The following SPANXD variants were observed in gnomAD, a reference collection of about 807,000 sequenced individuals.
The protein encoded by SPANXD is sperm protein associated with the nucleus on the X chromosome D.
A neutral mutation model predicts 1.8 loss-of-function variants in SPANXD; 2 were observed. The observed-to-expected ratio is 1.10, with a 90% CI of 0.45 to 3.47. The LOEUF (loss-of-function observed/expected upper bound fraction) is 3.47, where lower values mean the gene tolerates loss of function less well. SPANXD is among the 30% of genes most tolerant of loss of function. The pLI is 0.08. For synonymous variants in SPANXD, 30 were observed against 32.9 expected (o/e 0.91, Z 0.30); for missense variants, 80 against 81.6 (o/e 0.98, Z 0.07).
Position 141,697,591 on chromosome X carries a change from C to A in SPANXD, c.168G>T (p.Arg56Ser), listed in dbSNP as rs1556402342. Residue 56 changes from arginine to serine, a missense_variant, in exon 2 of 2, where the codon AGG becomes AGT. Around this residue, in one of 2 missense-constraint regions of SPANXD, gnomAD observed 78 missense variants for 58.7 expected, o/e 1.33. Transcript: ENST00000370515. ...CTGGAGATGTTCTTTTAAAGTTCCT[C>A]CTGTAGCGAACCACTAGTATGGTCG... ...ESSTILVVRY[R>S]RNFKRTSPEE... 8.3e-7 allele frequency: 1 copy of A among 1,202,737 alleles called. No homozygotes were observed.
Position 141,698,645 on chromosome X carries a change from G to T in SPANXD, c.-240C>A, listed in dbSNP as rs1461421692. Reference sequence around the variant, plus strand: ...GGCTTGCGGGCGAGGGGTGACAGGGGTGTAGAGCAAACCAAATGCTGCTGT... The same window carrying T: ...GGCTTGCGGGCGAGGGGTGACAGGGTTGTAGAGCAAACCAAATGCTGCTGT... On this transcript the variant is annotated 5_prime_UTR_variant, in exon 1 of 2. Transcript: ENST00000370515. 4.9e-6 allele frequency: 2 copies of T among 410,458 alleles called. No individual in the cohort carries two copies. Among genetic ancestry groups the T allele is most frequent in the Non-Finnish European group, 4.4e-6 (1 of 229,410 alleles). The allele number at this position is 410,458 out of a possible 1,213,427, so 33.8% of individuals were successfully genotyped here. A position where few individuals can be genotyped will look rare whatever the true frequency, so the allele number is the denominator to read the frequency against.
intron 1 of SPANXD, 52 bp from the exon 2 acceptor site, chrX:141,697,738 A>T (rs1188388779): frequency 8.7e-7 from 1 of 1,148,670 alleles, no homozygotes; most frequent in South Asian, 1.8e-5. Flanking sequence ...GGTGAACAGG[A>T]TAGAGACTGG....
Position 141,698,329 on chromosome X carries a change from C to T in SPANXD, c.72+5G>A. The T allele has an allele frequency of 1.7e-6, 2 of 1,190,432 alleles. No homozygotes were observed. The highest frequency in any genetic ancestry group is 2.3e-6 in the Non-Finnish European group (2 of 886,242). On this transcript the variant is annotated splice_donor_5th_base_variant and intron_variant, in intron 1 of 1. Transcript: ENST00000370515. ...CGCCTTCACTTCAGAACCTAACAGT[C>T]TTACCATCTCGTTGGCCTCGTTGGA...
intron 1 of SPANXD, 30 bp from the exon 2 acceptor site, chrX:141,697,716 G>T (rs782814316): frequency 1.7e-6 from 2 of 1,189,476 alleles, no homozygotes; most frequent in Non-Finnish European, 2.3e-6. Context: ...AGGCCAGGAG[G>T]ACATTATTTT....
In SPANXD at chrX:141,697,599, G is replaced by T. The variant is rs373261190; in HGVS notation, c.160C>A (p.Arg54Ser). 82 of 1,201,481 alleles carry T rather than the reference G, an allele frequency of 6.8e-5. 2 individuals carry two copies. The Middle Eastern group carries it at 3.3e-3, about 48-fold the overall frequency. ...TSESSTILVV[R>S]YRRNFKRTSP... ...GTTCTTTTAAAGTTCCTCCTGTAGC[G>T]AACCACTAGTATGGTCGAGGACTCA... is the stretch of plus-strand genomic sequence containing the variant. Residue 54 changes from arginine to serine, a missense_variant, in exon 2 of 2, where the codon CGC becomes AGC. Arg to Ser is a moderately radical substitution (Grantham distance 110). This residue lies in a region of SPANXD where 78 missense variants were observed against 58.7 expected (regional missense o/e 1.33). Coordinates refer to ENST00000370515, the MANE Select transcript of SPANXD (RefSeq NM_032417.4).
In SPANXD at chrX:141,697,496, A is replaced by G. The variant is rs781831374; in HGVS notation, c.263T>C (p.Met88Thr). The change falls in exon 2 of 2, where the codon ATG becomes ACG. Residue 88 changes from methionine (M) to threonine (T), a missense_variant. Met to Thr is a moderately conservative substitution (Grantham distance 81). Coordinates refer to ENST00000370515, the MANE Select transcript of SPANXD (RefSeq NM_032417.4). Reference protein sequence around the residue: ...NPLQMEEEEFMEIMVEIPAK With the variant: ...NPLQMEEEEFTEIMVEIPAK The stretch of plus-strand genomic sequence containing the variant: ...TGCAGGTATTTCAACCATTATTTCC[A>G]TGAATTCCTCCTCCTCCATTTGGAG... 3 of 1,208,906 alleles carry G rather than the reference A, an allele frequency of 2.5e-6. No individual in the cohort carries two copies. Among genetic ancestry groups the G allele is most frequent in the Non-Finnish European group, 2.2e-6 (2 of 894,245 alleles).
At position 141,697,468 on chromosome X, in the gene SPANXD, C is replaced by T. The variant is rs782376465; in HGVS notation, c.291G>A (p.Lys97=). 1.7e-6 allele frequency: 2 copies of T among 1,209,467 alleles called. No homozygotes were observed. The highest frequency in any genetic ancestry group is 1.1e-6 in the Non-Finnish European group (1 of 894,726). The change falls in exon 2 of 2, where the codon AAG becomes AAA. Residue 97 remains lysine, a synonymous_variant. Transcript: ENST00000370515. ...FMEIMVEIPA[K] is the part of the protein sequence containing the mutation. ...GGTTGAGAGATGTAGCTTCTTGCTA[C>T]TTTGCAGGTATTTCAACCATTATTT...
Position 141,698,597 on chromosome X carries a change from GC to G in SPANXD, c.-193del. The G allele has an allele frequency of 1.2e-6, 1 of 844,126 alleles. No individual in the cohort carries two copies. Among genetic ancestry groups the G allele is most frequent in the Non-Finnish European group, 1.7e-6 (1 of 596,232 alleles). 69.6% of individuals were successfully genotyped at this position (844,126 alleles called of 1,213,427 possible). A position where few individuals can be genotyped will look rare whatever the true frequency, so the allele number is the denominator to read the frequency against. On this transcript the variant is annotated 5_prime_UTR_variant, in exon 1 of 2. The change abolishes the stop of an existing upstream ORF in the 5' untranslated region. Coordinates refer to ENST00000370515, the MANE Select transcript of SPANXD (RefSeq NM_032417.4). ...CCTAGGGTGGCTTCGACGTCACAAA[GC>G]CCCACTGCTGACCACTCCCTGGGCT...
In SPANXD at chrX:141,697,555, C is replaced by A. The variant is rs1556402292; in HGVS notation, c.204G>T (p.Val68=). Residue 68 remains valine (V), a synonymous_variant, in exon 2 of 2, where the codon GTG becomes GTT. Transcript: ENST00000370515. The stretch of plus-strand genomic sequence containing the variant: ...TTCTGTTCTTTCGGGCGTGGTCATT[C>A]ACCAGTTCCTCTGGAGATGTTCTTT... The part of the protein sequence containing the change: ...NFKRTSPEEL[V]NDHARKNRIN... 12 of 1,206,748 alleles carry A rather than the reference C, an allele frequency of 9.9e-6. No homozygotes were observed. Among genetic ancestry groups the A allele is most frequent in the Non-Finnish European group, 1.3e-5 (12 of 892,536 alleles).
chrX:141,698,599 C>T lies in SPANXD; in HGVS notation c.-194G>A, dbSNP rs1462756239. On this transcript the variant is annotated 5_prime_UTR_variant, in exon 1 of 2. Transcript: ENST00000370515. ...TAGGGTGGCTTCGACGTCACAAAGC[C>T]CCACTGCTGACCACTCCCTGGGCTT... 2 of 822,657 alleles carry T rather than the reference C, an allele frequency of 2.4e-6. No homozygotes were observed. Among genetic ancestry groups the T allele is most frequent in the Non-Finnish European group, 3.4e-6 (2 of 580,882 alleles). 67.8% of individuals were successfully genotyped at this position (822,657 alleles called of 1,213,427 possible). A position where few individuals can be genotyped will look rare whatever the true frequency, so the allele number is the denominator to read the frequency against.
In SPANXD at chrX:141,697,668, C is replaced by T. The variant is rs143117176; in HGVS notation, c.91G>A (p.Gly31Arg). Residue 31 changes from glycine to arginine, a missense_variant, in exon 2 of 2, where the codon GGG becomes AGG. Coordinates refer to ENST00000370515, the MANE Select transcript of SPANXD (RefSeq NM_032417.4). ...GGAGCAGGTTGCGGGTCTGAGTACC[C>T]ACTCGAGGTCTCCGGCATCTGTTAA... ...ANEMMPETSS[G>R]YSDPQPAPKK... 3.8e-5 allele frequency: 45 copies of T among 1,186,178 alleles called. 1 individual carries two copies. In the African/African-American group the frequency reaches 8.0e-4, roughly 21 times the overall value.
rs782592093 is a variant in SPANXD, at chrX:141,697,667, C to G, written c.92G>C (p.Gly31Ala). 28 of 1,187,978 alleles carry G rather than the reference C, an allele frequency of 2.4e-5. 2 individuals carry two copies. Among genetic ancestry groups the G allele is most frequent in the Non-Finnish European group, 3.2e-5 (28 of 880,010 alleles). Reference sequence around the variant, plus strand: ...CGGAGCAGGTTGCGGGTCTGAGTACCCACTCGAGGTCTCCGGCATCTGTTA... The same window carrying G: ...CGGAGCAGGTTGCGGGTCTGAGTACGCACTCGAGGTCTCCGGCATCTGTTA... The part of the protein sequence containing the change: ...ANEMMPETSS[G>A]YSDPQPAPKK... The change falls in exon 2 of 2, where the codon GGG becomes GCG. Residue 31 changes from glycine to alanine, a missense_variant. Gly to Ala is a moderately conservative substitution (Grantham distance 60, BLOSUM62 0). Transcript: ENST00000370515.
chrX:141,697,496 A>C lies in SPANXD; in HGVS notation c.263T>G (p.Met88Arg). ...TGCAGGTATTTCAACCATTATTTCC[A>C]TGAATTCCTCCTCCTCCATTTGGAG... ...NPLQMEEEEF[M>R]EIMVEIPAK Residue 88 changes from methionine (M) to arginine (R), a missense_variant, in exon 2 of 2, where the codon ATG (methionine) becomes AGG (arginine). This residue lies in a region of SPANXD where 78 missense variants were observed against 58.7 expected (regional missense o/e 1.33). Transcript: ENST00000370515. 1.7e-6 allele frequency: 2 copies of C among 1,208,906 alleles called. No individual in the cohort carries two copies. The highest frequency in any genetic ancestry group is 1.1e-6 in the Non-Finnish European group (1 of 894,245).
rs1429691596 is a variant in SPANXD, at chrX:141,698,540, A to C, written c.-135T>G. 2.5e-6 allele frequency: 2 copies of C among 794,470 alleles called. No individual in the cohort carries two copies. The highest frequency in any genetic ancestry group is 4.3e-5 in the African/African-American group (2 of 46,093). 65.5% of individuals were successfully genotyped at this position (794,470 alleles called of 1,213,427 possible). A position where few individuals can be genotyped will look rare whatever the true frequency, so the allele number is the denominator to read the frequency against. On this transcript the variant is annotated 5_prime_UTR_variant, in exon 1 of 2. Transcript: ENST00000370515. ...AAGCCACACCCTTGAGCTTTGTTTG[A>C]TCATACAGGCAGTGTCCCAGCCAAT...
rs370763873 is a variant in SPANXD, at chrX:141,698,396, G to A, written c.10C>T (p.Gln4Ter). MDK[Q>*]SSAGGVKRSV... ...CTCTTCACCCCGCCGGCACTGGATTGTTTGTCCATTGTATATATTGGTTCT... is the reference window on the plus strand; with the variant it reads ...CTCTTCACCCCGCCGGCACTGGATTATTTGTCCATTGTATATATTGGTTCT... Residue 4 changes from glutamine (Q) to a stop codon, truncating the protein, a stop_gained, in exon 1 of 2, where the codon CAA (glutamine) becomes TAA (stop). Transcript: ENST00000370515. LOFTEE classifies it high-confidence loss of function. 5 of 1,196,427 alleles carry A rather than the reference G, an allele frequency of 4.2e-6. No homozygotes were observed. The highest frequency in any genetic ancestry group is 5.6e-6 in the Non-Finnish European group (5 of 889,123).
chrX:141,697,734 C>T, intron 1 of SPANXD, 48 bp from the exon 2 acceptor site: 1 of 1,160,373 alleles, frequency 8.6e-7, no homozygotes, highest in South Asian at 1.8e-5. Context: ...TTTGGGTGAA[C>T]AGGATAGAGA....
chrX:141,697,753 C>T lies in SPANXD; in HGVS notation c.73-67G>A, dbSNP rs369990177. 9.1e-5 allele frequency: 97 copies of T among 1,065,543 alleles called. 1 individual carries two copies. The East Asian group carries it at 2.4e-3, about 27-fold the overall frequency. 87.8% of individuals were successfully genotyped at this position (1,065,543 alleles called of 1,213,427 possible). A position where few individuals can be genotyped will look rare whatever the true frequency, so the allele number is the denominator to read the frequency against. ...GGTGAACAGGATAGAGACTGGATAG[C>T]AAGGGGGCTTCATGAGAAGAAGGAA... On this transcript the variant is annotated intron_variant, in intron 1 of 1. Coordinates refer to ENST00000370515, the MANE Select transcript of SPANXD (RefSeq NM_032417.4).
In SPANXD at chrX:141,697,569, G is replaced by C. The variant is rs139862684; in HGVS notation, c.190C>G (p.Pro64Ala). The C allele has an allele frequency of 7.5e-6, 9 of 1,206,110 alleles. No homozygotes were observed. The Admixed American group carries it at 1.5e-4, about 21-fold the overall frequency. The change falls in exon 2 of 2, where the codon CCA (proline) becomes GCA (alanine). Residue 64 changes from proline (P) to alanine (A), a missense_variant. Pro to Ala is a conservative substitution (Grantham distance 27). Coordinates refer to ENST00000370515, the MANE Select transcript of SPANXD (RefSeq NM_032417.4). ...GCGTGGTCATTCACCAGTTCCTCTG[G>C]AGATGTTCTTTTAAAGTTCCTCCTG... ...RYRRNFKRTS[P>A]EELVNDHARK...
Position 141,697,611 on chromosome X carries a change from T to C in SPANXD, c.148A>G (p.Ile50Val). The stretch of plus-strand genomic sequence containing the variant: ...TTCCTCCTGTAGCGAACCACTAGTA[T>C]GGTCGAGGACTCAGATGTTTTTAGT... ...KKLKTSESST[I>V]LVVRYRRNFK... The change falls in exon 2 of 2, where the codon ATA becomes GTA. Residue 50 changes from isoleucine to valine, a missense_variant. Physicochemically the swap from Ile to Val is conservative, Grantham distance 29 (BLOSUM62 3). Transcript: ENST00000370515. 5 of 1,198,549 alleles carry C rather than the reference T, an allele frequency of 4.2e-6. No homozygotes were observed. In the South Asian group the frequency reaches 7.1e-5, roughly 17 times the overall value.
Sources: allele counts gnomAD v4.1 joint callset, GRCh38; gene constraint gnomAD v4.1.1; regional missense constraint gnomAD v4.1.1; transcripts MANE v1.5; gene names NCBI Gene and HGNC (gene_info 2026-07-23, HGNC 2026-07-21).